PUDP: variants seen among roughly 807,000 people sequenced by gnomAD.
PUDP encodes the protein pseudouridine-5'-phosphatase.
A neutral mutation model predicts 9.4 loss-of-function variants in PUDP; 8 were observed. The observed-to-expected ratio is 0.85, with a 90% CI of 0.50 to 1.53. The LOEUF is 1.53. PUDP is among the 40% of genes most tolerant of loss of function. PUDP has a pLI of 0.00. For missense variants in PUDP, 188 were observed against 189.7 expected (o/e 0.99, Z 0.05); for synonymous variants, 99 against 80.7 (o/e 1.23, Z -1.22).
At chrX:6,934,079 C>T (rs1270016177) in intron 3 of PUDP, among the ~76,000 whole-genome samples, 1 of 100,329 alleles carries the variant, frequency 1.0e-5, no homozygotes, top group East Asian at 3.2e-4. Context: ...TCCAGGAGAA[C>T]TTCCCCAATC....
Position 6,971,482 on chromosome X carries a change from TCTCGGCTCACTG to T in PUDP, c.*247+5639_*247+5650del, listed in dbSNP as rs774284453. On this transcript the variant is annotated intron_variant and NMD_transcript_variant, in intron 3 of 3. Transcript: ENST00000655425. ...CCCAGGCTGGAGTGCAGTGGCGCAA[TCTCGGCTCACTG>T]CAAGCTCCGCCTCACTGGTTCATGC... 2.6e-4 allele frequency among the ~76,000 whole-genome samples: 28 copies of T among 106,008 alleles called. No individual in the cohort carries two copies. In the South Asian group the frequency reaches 0.011, roughly 43 times the overall value. The allele number at this position is 106,008 out of a possible 115,157, so 92.1% of individuals were successfully genotyped here.
rs1002454509 is a variant in PUDP, at chrX:6,970,029, T to A, written c.*247+7104A>T. On this transcript the variant is annotated intron_variant and NMD_transcript_variant, in intron 3 of 3. Transcript: ENST00000655425. Reference sequence around the variant, plus strand: ...CTTTTGGGCATAAAACGTGTGGGGTTTAGGGGCCACGGGGTCCCCTGAAGT... The same window carrying A: ...CTTTTGGGCATAAAACGTGTGGGGTATAGGGGCCACGGGGTCCCCTGAAGT... 1.9e-4 allele frequency among the ~76,000 whole-genome samples: 21 copies of A among 112,045 alleles called. No homozygotes were observed. In the Admixed American group the frequency reaches 2.0e-3, roughly 11 times the overall value.
intron 2 of PUDP, among the ~76,000 whole-genome samples, chrX:7,080,265 C>T (rs1931042513): frequency 1.8e-5 from 2 of 112,136 alleles, no homozygotes; most frequent in African/African-American, 3.2e-5. Flanking sequence ...ATAAAACTCC[C>T]TCAAGAAGAC....
chrX:6,961,822 T>A (rs1426438001), intron 3 of PUDP, among the ~76,000 whole-genome samples: 1 of 111,814 alleles, frequency 8.9e-6, no homozygotes, highest in Non-Finnish European at 1.9e-5. Flanking sequence ...GAATTCCATA[T>A]CCGTGCATGG....
intron 1 of PUDP, among the ~76,000 whole-genome samples, chrX:7,027,549 A>G (rs1428114529): frequency 2.9e-5 from 3 of 103,635 alleles, no homozygotes; most frequent in Non-Finnish European, 3.9e-5. Flanking sequence ...ATGTGTGAAT[A>G]TATATATGAG....
chrX:7,077,188 G>C (rs753487646), intron 3 of PUDP, 32 bp downstream of exon 3: 104 of 1,167,085 alleles, frequency 8.9e-5, no homozygotes, highest in Non-Finnish European at 1.2e-4. Flanking sequence ...CATGGTTGTG[G>C]AACACGGCCC....
At chrX:6,750,387 TTGTGTG>T (rs748692288) in intron 3 of PUDP, among the ~76,000 whole-genome samples, 1 of 109,778 alleles carries the variant, frequency 9.1e-6, no homozygotes, top group East Asian at 2.9e-4. Context: ...TTTGGATGAA[TTGTGTG>T]TGTGTGTGTG....
intron 3 of PUDP, among the ~76,000 whole-genome samples, chrX:6,897,717 T>C (rs778842827): frequency 1.8e-5 from 2 of 111,569 alleles, no homozygotes; most frequent in African/African-American, 6.5e-5. Flanking sequence ...GCAGATTCAA[T>C]GTCTGGTGAG....
chrX:7,091,662 T>C (rs1231322556), intron 2 of PUDP, among the ~76,000 whole-genome samples: 3 of 111,615 alleles, frequency 2.7e-5, no homozygotes, highest in Non-Finnish European at 1.9e-5. Flanking sequence ...TTTTCTTTCA[T>C]TGGCTTTCTT....
Position 7,086,758 on chromosome X carries a change from C to T in PUDP, c.281-9309G>A, listed in dbSNP as rs771633724. On this transcript the variant is annotated intron_variant, in intron 2 of 3. Coordinates refer to ENST00000381077, the MANE Select transcript of PUDP (RefSeq NM_012080.5). ...CTTCAGTCCTAATTTACTAGGGACC[C>T]GGCACCAACTCAAAGCTAATATCAG... is the stretch of plus-strand genomic sequence containing the variant. 5.3e-5 allele frequency among the ~76,000 whole-genome samples: 6 copies of T among 112,181 alleles called. No individual in the cohort carries two copies. The Admixed American group carries it at 5.7e-4, about 11-fold the overall frequency.
chrX:6,904,459 G>A (rs12011672), intron 3 of PUDP, among the ~76,000 whole-genome samples: 3,745 of 110,603 alleles, frequency 0.034, 103 homozygotes, highest in African/African-American at 0.086. Context: ...ATCCCTAAAC[G>A]TCAACAGGTG....
intron 1 of PUDP, among the ~76,000 whole-genome samples, chrX:7,037,278 G>C (rs1393780692): frequency 8.9e-6 from 1 of 111,777 alleles, no homozygotes; most frequent in Non-Finnish European, 1.9e-5. Flanking sequence ...CAAGGAGGCT[G>C]TGCATTTTAC....
At chrX:7,004,963 T>C (rs955247584) in intron 1 of PUDP, among the ~76,000 whole-genome samples, 1 of 112,300 alleles carries the variant, frequency 8.9e-6, no homozygotes, top group Non-Finnish European at 1.9e-5. Flanking sequence ...CCTAAAGTTC[T>C]GACAAAAAGG....
At chrX:7,131,506 A>G (rs1932619405) in intron 1 of PUDP, among the ~76,000 whole-genome samples, 1 of 109,938 alleles carries the variant, frequency 9.1e-6, no homozygotes, top group Non-Finnish European at 1.9e-5. Flanking sequence ...ACGTGGAGAG[A>G]AGCTGAGACC....
intron 3 of PUDP, among the ~76,000 whole-genome samples, chrX:7,063,977 T>TATG (rs1223061316): frequency 8.0e-5 from 9 of 112,225 alleles, no homozygotes; most frequent in Non-Finnish European, 9.4e-5. Context: ...TTCATAAGCC[T>TATG]ATGAACTATT....
At chrX:6,826,227 T>G (rs1231937408) in intron 3 of PUDP, among the ~76,000 whole-genome samples, 1 of 112,221 alleles carries the variant, frequency 8.9e-6, no homozygotes, top group Non-Finnish European at 1.9e-5. Flanking sequence ...GGAAAGTCTA[T>G]TTTTTTAATT....
chrX:6,775,492 T>C (rs5989568), intron 3 of PUDP, among the ~76,000 whole-genome samples: 2 of 50,821 alleles, frequency 3.9e-5, no homozygotes, highest in Non-Finnish European at 8.2e-5. Flanking sequence ...GATACACACA[T>C]ATACACACAC....
intron 3 of PUDP, among the ~76,000 whole-genome samples, chrX:6,957,997 T>C (rs772166914): frequency 1.8e-5 from 2 of 112,046 alleles, no homozygotes; most frequent in South Asian, 7.4e-4. Flanking sequence ...CATAAGGAAA[T>C]AGCACTTGAA....
chrX:6,828,653 G>A (rs1926460487), intron 3 of PUDP, among the ~76,000 whole-genome samples: 1 of 111,103 alleles, frequency 9.0e-6, no homozygotes, highest in Non-Finnish European at 1.9e-5. Context: ...CACCACTGGA[G>A]TATAATGCAG....
Sources: gnomAD v4.1 joint callset for allele counts (sites outside exome capture counted in the v4.1 genomes callset) on GRCh38, gnomAD v4.1.1 for gene constraint, MANE v1.5 for transcripts, NCBI Gene and HGNC (gene_info 2026-07-23, HGNC 2026-07-21) for gene names.